The following RPA3 variants were observed in gnomAD, a reference collection of about 807,000 sequenced individuals.
RPA3 encodes the protein replication protein A 14 kDa subunit.
A neutral mutation model predicts 13.7 loss-of-function variants in RPA3; 24 were observed. That is an observed-to-expected ratio of 1.75 (90% confidence interval 1.27 to 2.46). The LOEUF is 2.46. Among genes scored for constraint, RPA3 ranks in the 30% most tolerant of loss-of-function variants. The pLI, the probability that RPA3 is intolerant of heterozygous loss-of-function variation, is 0.00. For synonymous variants in RPA3, 59 were observed against 51.2 expected (o/e 1.15, Z -0.65); for missense variants, 183 against 151.0 (o/e 1.21, Z -1.11).
intron 2 of RPA3, among the ~76,000 whole-genome samples, chr7:7,688,855 C>G (rs368378078): frequency 6.6e-6 from 1 of 152,066 alleles, no homozygotes; most frequent in African/African-American, 2.4e-5. Flanking sequence ...GACTTGTAAA[C>G]CATTTAATAT....
intron 4 of RPA3, among the ~76,000 whole-genome samples, chr7:7,650,556 G>A (rs1011117331): frequency 1.3e-5 from 2 of 152,212 alleles, no homozygotes; most frequent in Non-Finnish European, 2.9e-5. Flanking sequence ...CTGCAGGACA[G>A]TGTGAATGTA....
chr7:7,681,052 T>C (rs1180048160), intron 4 of RPA3, among the ~76,000 whole-genome samples: 3 of 152,158 alleles, frequency 2.0e-5, no homozygotes, highest in African/African-American at 7.2e-5. Flanking sequence ...GTTTGTGTGT[T>C]TGTTGATGTC....
intron 2 of RPA3, among the ~76,000 whole-genome samples, chr7:7,711,428 A>C (rs1238683541): frequency 6.6e-6 from 1 of 152,172 alleles, no homozygotes; most frequent in African/African-American, 2.4e-5. Context: ...CAAGTGGTAT[A>C]TGAAAATTCT....
At chr7:7,644,684 A>C (rs1785056612) in intron 4 of RPA3, among the ~76,000 whole-genome samples, 1 of 152,112 alleles carries the variant, frequency 6.6e-6, no homozygotes, top group Non-Finnish European at 1.5e-5. Context: ...GTGTGGAGTC[A>C]ATTCTATTCT....
Position 7,705,245 on chromosome 7 carries a change from T to C in RPA3, c.-1028+9930A>G, listed in dbSNP as rs1376534942. 2.6e-5 allele frequency among the ~76,000 whole-genome samples: 4 copies of C among 152,204 alleles called. No homozygotes were observed. The East Asian group carries it at 7.7e-4, about 29-fold the overall frequency. Reference sequence around the variant, plus strand: ...GATGATTGTAACGAAGTTCGTATAGTTGATGCACTGTGATTTAGTTTTGTC... The same window carrying C: ...GATGATTGTAACGAAGTTCGTATAGCTGATGCACTGTGATTTAGTTTTGTC... On this transcript the variant is annotated intron_variant, in intron 2 of 7. Coordinates refer to ENST00000223129, the MANE Select transcript of RPA3 (RefSeq NM_002947.5).
chr7:7,706,459 C>G (rs6967126), intron 2 of RPA3, among the ~76,000 whole-genome samples: 1 of 151,838 alleles, frequency 6.6e-6, no homozygotes, highest in Non-Finnish European at 1.5e-5. Context: ...AAAAATGAAA[C>G]CTATATAACA....
intron 4 of RPA3, among the ~76,000 whole-genome samples, chr7:7,655,712 C>A (rs141408627): frequency 1.3e-5 from 2 of 152,008 alleles, no homozygotes; most frequent in Admixed American, 6.5e-5. Context: ...ATTTAGGGGA[C>A]GAATGAAAAG....
chr7:7,684,843 T>A (rs1780004049), intron 4 of RPA3, among the ~76,000 whole-genome samples: 1 of 152,180 alleles, frequency 6.6e-6, no homozygotes. Context: ...ATACAACTAT[T>A]TGGGGGTAGT....
At chr7:7,677,551 C>T (rs1001820931) in intron 4 of RPA3, among the ~76,000 whole-genome samples, 1 of 151,792 alleles carries the variant, frequency 6.6e-6, no homozygotes, top group African/African-American at 2.4e-5. Flanking sequence ...ATGATCTCCT[C>T]TAGTACCATC....
intron 2 of RPA3, among the ~76,000 whole-genome samples, chr7:7,688,311 G>T (rs1410140817): frequency 6.6e-6 from 1 of 152,124 alleles, no homozygotes; most frequent in African/African-American, 2.4e-5. Flanking sequence ...GTCAGGTGGG[G>T]CATATCTCAT....
At chr7:7,676,585 A>G (rs1026874460) in intron 4 of RPA3, among the ~76,000 whole-genome samples, 1 of 152,200 alleles carries the variant, frequency 6.6e-6, no homozygotes, top group African/African-American at 2.4e-5. Flanking sequence ...GAAAAGAGAA[A>G]GTGCTGTTTT....
At chr7:7,697,926 C>T (rs1221962593) in intron 2 of RPA3, among the ~76,000 whole-genome samples, 1 of 152,128 alleles carries the variant, frequency 6.6e-6, no homozygotes, top group Non-Finnish European at 1.5e-5. Flanking sequence ...CCTCAGCTCA[C>T]CTTCATGAGG....
At chr7:7,655,356 A>C (rs979288502) in intron 4 of RPA3, among the ~76,000 whole-genome samples, 3 of 152,244 alleles carry the variant, frequency 2.0e-5, no homozygotes, top group African/African-American at 7.2e-5. Flanking sequence ...TTAATTTAGT[A>C]TAAAGTAAAA....
intron 4 of RPA3, among the ~76,000 whole-genome samples, chr7:7,652,680 G>A (rs940624210): frequency 6.6e-6 from 1 of 152,170 alleles, no homozygotes; most frequent in Non-Finnish European, 1.5e-5. Context: ...TTTGTCTAGG[G>A]CCTACCACAG....
chr7:7,707,226 A>G (rs894195288), intron 2 of RPA3, among the ~76,000 whole-genome samples: 1 of 152,214 alleles, frequency 6.6e-6, no homozygotes, highest in Non-Finnish European at 1.5e-5. Flanking sequence ...GATTATATTC[A>G]TTATGGTTAT....
At chr7:7,690,037 T>C (rs1310008623) in intron 2 of RPA3, among the ~76,000 whole-genome samples, 1 of 152,182 alleles carries the variant, frequency 6.6e-6, no homozygotes, top group Non-Finnish European at 1.5e-5. Context: ...ATTTTTCCCA[T>C]CTAAAGTGAT....
At chr7:7,646,828 G>A (rs1416429326) in intron 4 of RPA3, among the ~76,000 whole-genome samples, 1 of 152,076 alleles carries the variant, frequency 6.6e-6, no homozygotes, top group African/African-American at 2.4e-5. Flanking sequence ...CTGCTGCTCT[G>A]CCACTCTTCT....
chr7:7,640,578 G>T lies in RPA3; in HGVS notation c.-160C>A. On this transcript the variant is annotated 5_prime_UTR_variant, in exon 5 of 8. Transcript: ENST00000223129. ...CGGAAACCTAAATCGCAATCGCGCT[G>T]TCTCTGAAAGGGGTGGAGAAGGGGC... is the stretch of plus-strand genomic sequence containing the variant. 1 of 658,204 alleles carries T rather than the reference G, an allele frequency of 1.5e-6. No individual in the cohort carries two copies. Among genetic ancestry groups the T allele is most frequent in the South Asian group, 1.8e-5 (1 of 57,074 alleles). The allele number at this position is 658,204 out of a possible 1,614,324, so 40.8% of individuals were successfully genotyped here. A position where few individuals can be genotyped will look rare whatever the true frequency, so the allele number is the denominator to read the frequency against.
chr7:7,660,756 GGTGAATCTGGCAATTAT>G (rs145399055), intron 4 of RPA3, among the ~76,000 whole-genome samples: 8,886 of 152,152 alleles, frequency 0.058, 332 homozygotes, highest in Middle Eastern at 0.13. Context: ...TTTCAACCTT[GGTGAATCTGGCAATTAT>G]GTGTCTTGAG....
Sources: allele counts gnomAD v4.1 joint callset (sites outside exome capture counted in the v4.1 genomes callset), GRCh38; gene constraint gnomAD v4.1.1; transcripts MANE v1.5; gene names NCBI Gene and HGNC (gene_info 2026-07-23, HGNC 2026-07-21).